Variants in DNAH8 observed in about 807,000 individuals in gnomAD.
The protein encoded by DNAH8 is dynein axonemal heavy chain 8, also known as axonemal beta dynein heavy chain 8.
DNAH8 carries 382 observed loss-of-function variants against 562.1 expected under a neutral mutation model. That is an observed-to-expected ratio of 0.68 (90% CI 0.63 to 0.74). DNAH8 has a LOEUF of 0.74. Among genes scored for constraint, DNAH8 ranks in the 30% least tolerant of loss-of-function variants. The pLI, the probability that DNAH8 is intolerant of heterozygous loss-of-function variation, is 0.00. For synonymous variants in DNAH8, 1,881 were observed against 1,919.4 expected, an observed-to-expected ratio of 0.98 and a Z score of 0.52; for missense variants, 5,203 against 5,620.4, an observed-to-expected ratio of 0.93 and a Z score of 2.37.
intron 28 of DNAH8, among the ~76,000 whole-genome samples, chr6:38,824,030 C>A (rs931580726): frequency 1.3e-5 from 2 of 152,130 alleles, no homozygotes; most frequent in African/African-American, 4.8e-5. Context: ...AGGTGAAATT[C>A]TCTTTTAGGT....
chr6:38,964,537 A>G (rs1762848082), intron 82 of DNAH8, among the ~76,000 whole-genome samples: 1 of 151,344 alleles, frequency 6.6e-6, no homozygotes, highest in South Asian at 2.1e-4. Context: ...AATTCCTCCT[A>G]AGAACATATT....
rs118082826 is a variant in DNAH8 at position 38,905,180 on chromosome 6, A to G, written c.9195-1074A>G. On this transcript the variant is annotated intron_variant, in intron 62 of 92. Transcript: ENST00000327475. Reference sequence around the variant, plus strand: ...GCTCATAGTCTTTCTGTGAGACCCCATGGCCTACTGCCCATTACTTGCATT... The same window carrying G: ...GCTCATAGTCTTTCTGTGAGACCCCGTGGCCTACTGCCCATTACTTGCATT... Among the ~76,000 whole-genome samples, 146 of 152,308 alleles carry G rather than the reference A, an allele frequency of 9.6e-4. 3 individuals carry two copies. In the East Asian group the frequency reaches 0.027, roughly 28 times the overall value.
chr6:38,996,371 T>C (rs573900797), intron 88 of DNAH8, among the ~76,000 whole-genome samples: 1 of 152,322 alleles, frequency 6.6e-6, no homozygotes, highest in South Asian at 2.1e-4. Context: ...ACATATATGT[T>C]GTCTAGACCT....
At chr6:38,742,682 C>T (rs973199210) in intron 8 of DNAH8, among the ~76,000 whole-genome samples, 6 of 152,102 alleles carry the variant, frequency 3.9e-5, no homozygotes, top group Non-Finnish European at 7.4e-5. Context: ...TAGATTTAAG[C>T]AGTACGAATA....
At chr6:38,845,433 C>A (rs142661153) in intron 35 of DNAH8, 141 bp from the exon 36 acceptor site, 7 of 629,042 alleles carry the variant, frequency 1.1e-5, no homozygotes, top group Non-Finnish European at 2.0e-5. Context: ...TGATCTGAAG[C>A]CTTTTCTTGG....
At chr6:38,867,587 A>G (rs1393398785) in intron 47 of DNAH8, among the ~76,000 whole-genome samples, 1 of 130,202 alleles carries the variant, frequency 7.7e-6, no homozygotes, top group Non-Finnish European at 1.7e-5. Flanking sequence ...TACTAAAAAT[A>G]CAAAAAAAAA....
intron 52 of DNAH8, among the ~76,000 whole-genome samples, chr6:38,873,674 A>G (rs1470158913): frequency 6.6e-6 from 1 of 151,864 alleles, no homozygotes; most frequent in Non-Finnish European, 1.5e-5. Flanking sequence ...GACAGTCAAT[A>G]AAATATAGTA....
chr6:38,904,773 GA>G (rs1780320944), intron 62 of DNAH8, among the ~76,000 whole-genome samples: 2 of 104,452 alleles, frequency 1.9e-5, no homozygotes, highest in East Asian at 3.1e-4. Flanking sequence ...GCCTGGGCAA[GA>G]AGAGTGAAAC....
chr6:39,004,570 A>G (rs377683055), intron 88 of DNAH8, among the ~76,000 whole-genome samples: 2 of 152,202 alleles, frequency 1.3e-5, no homozygotes, highest in Non-Finnish European at 2.9e-5. Context: ...TGTAATCTGC[A>G]TATCTTAAAT....
chr6:39,009,921 C>G (rs1302065115), intron 89 of DNAH8, among the ~76,000 whole-genome samples: 1 of 152,134 alleles, frequency 6.6e-6, no homozygotes, highest in Non-Finnish European at 1.5e-5. Context: ...TATACACTTT[C>G]AATAGTTTTA....
chr6:38,752,203 AC>A (rs547861549), intron 9 of DNAH8, among the ~76,000 whole-genome samples: 17 of 148,182 alleles, frequency 1.1e-4, no homozygotes, highest in Non-Finnish European at 1.5e-4. Context: ...TCTCTCTGTC[AC>A]CCAGGCTGGA....
chr6:38,785,350 A>G (rs1170246059), intron 17 of DNAH8, among the ~76,000 whole-genome samples: 1 of 152,064 alleles, frequency 6.6e-6, no homozygotes, highest in Non-Finnish European at 1.5e-5. Flanking sequence ...ATACGATGAA[A>G]TGCTTGTCTT....
intron 80 of DNAH8, among the ~76,000 whole-genome samples, chr6:38,946,036 G>A (rs750618414): frequency 1.3e-5 from 2 of 152,000 alleles, no homozygotes; most frequent in South Asian, 2.1e-4. Context: ...AATAGGTACC[G>A]ATTTGCTTGT....
intron 43 of DNAH8, 47 bp downstream of exon 43, chr6:38,860,676 C>A (rs1776554480): frequency 1.5e-6 from 2 of 1,351,418 alleles, no homozygotes; most frequent in Non-Finnish European, 2.0e-6. Flanking sequence ...TTAAAATGTG[C>A]ATAACATTAT....
chr6:38,983,438 T>TC (rs1216465665), intron 86 of DNAH8, among the ~76,000 whole-genome samples: 1 of 152,202 alleles, frequency 6.6e-6, no homozygotes, highest in Non-Finnish European at 1.5e-5. Flanking sequence ...AGTAAGGCAG[T>TC]CTGATGAAAA....
chr6:38,909,320 G>A (rs963002219), intron 64 of DNAH8, among the ~76,000 whole-genome samples, 198 bp from the exon 65 acceptor site: 12 of 152,186 alleles, frequency 7.9e-5, no homozygotes, highest in African/African-American at 1.4e-4. Flanking sequence ...TAATGTAGAT[G>A]TAGTCCCAGG....
chr6:38,815,817 G>T (rs1562883239), intron 26 of DNAH8, among the ~76,000 whole-genome samples, 160 bp downstream of exon 26: 1 of 152,074 alleles, frequency 6.6e-6, no homozygotes, highest in African/African-American at 2.4e-5. Context: ...GGCTTTGGGT[G>T]GTGGGTGAAA....
intron 3 of DNAH8, among the ~76,000 whole-genome samples, chr6:38,725,178 C>T (rs1032598555): frequency 1.3e-5 from 2 of 151,774 alleles, no homozygotes; most frequent in African/African-American, 4.8e-5. Flanking sequence ...TGGCATGTGC[C>T]TGTAGTCCCA....
At chr6:38,942,863 G>A (rs1446675993) in intron 79 of DNAH8, among the ~76,000 whole-genome samples, 1 of 152,200 alleles carries the variant, frequency 6.6e-6, no homozygotes, top group East Asian at 1.9e-4. Context: ...GCAGACCAGA[G>A]CTACTACCTG....
Sources: allele counts gnomAD v4.1 joint callset (sites outside exome capture counted in the v4.1 genomes callset), GRCh38; gene constraint gnomAD v4.1.1; transcripts MANE v1.5; gene names NCBI Gene and HGNC (gene_info 2026-07-23, HGNC 2026-07-21).